The following GATA4 variants were observed in gnomAD, a reference collection of about 807,000 sequenced individuals.
GATA4 encodes the protein transcription factor GATA-4.
GATA4 carries 7 observed loss-of-function variants against 37.9 expected under a neutral mutation model. The ratio of observed to expected loss-of-function variants is 0.18; its 90% CI spans 0.11 to 0.35. The LOEUF is 0.35. Ranked by LOEUF, GATA4 falls within the 10% of genes least tolerant of loss-of-function variation. GATA4 has a pLI of 1.00. For synonymous variants in GATA4, 372 were observed against 292.6 expected (o/e 1.27, Z -2.77); for missense variants, 647 against 653.0 (o/e 0.99, Z 0.10).
chr8:11,710,882 G>A (rs1800152200), intron 2 of GATA4, among the ~76,000 whole-genome samples: 1 of 152,132 alleles, frequency 6.6e-6, no homozygotes, highest in Non-Finnish European at 1.5e-5. Flanking sequence ...AGCACTTTGG[G>A]AGGCCGAGGC....
chr8:11,753,334 T>A (rs1442705385), intron 4 of GATA4, among the ~76,000 whole-genome samples: 1 of 151,976 alleles, frequency 6.6e-6, no homozygotes, highest in Non-Finnish European at 1.5e-5. Context: ...GGAGTGATGT[T>A]TAATGGGTAT....
At chr8:11,744,219 C>G (rs1801917248) in intron 2 of GATA4, among the ~76,000 whole-genome samples, 3 of 152,224 alleles carry the variant, frequency 2.0e-5, no homozygotes, top group Non-Finnish European at 4.4e-5. Flanking sequence ...TTGTCCTGGT[C>G]TTTCCCACTC....
chr8:11,715,867 C>T (rs923914555), intron 2 of GATA4, among the ~76,000 whole-genome samples: 1 of 152,174 alleles, frequency 6.6e-6, no homozygotes, highest in African/African-American at 2.4e-5. Context: ...AATACCACTC[C>T]CATTCCTCTC....
chr8:11,708,977 C>G lies in GATA4; in HGVS notation c.616+49C>G, dbSNP rs190834379. ...GGCGCGTGAGGGCCGGGGCAGGGGC[C>G]GTCTTGAGCCCTGTCGAGGGCCTCT... On this transcript the variant is annotated intron_variant, in intron 2 of 6. Transcript: ENST00000532059. The surrounding 1 kb of genome is among the most constrained non-coding windows in gnomAD (Gnocchi z 6.7). 1.2e-3 allele frequency: 1,834 copies of G among 1,496,664 alleles called. 13 individuals are homozygous for G. The African/African-American group carries it at 0.019, about 16-fold the overall frequency. The allele number at this position is 1,496,664 out of a possible 1,614,324, so 92.7% of individuals were successfully genotyped here.
Position 11,709,330 on chromosome 8 carries a change from C to A in GATA4, c.616+402C>A, listed in dbSNP as rs940636781. Among the ~76,000 whole-genome samples, 2 of 152,216 alleles carry A rather than the reference C, an allele frequency of 1.3e-5. No homozygotes were observed. Among genetic ancestry groups the A allele is most frequent in the South Asian group, 4.1e-4 (2 of 4,838 alleles). ...GATTGCTGAGTTTCTGCGCCCCTTT[C>A]CTCCCCGCCCGCCCTCGGGCCTCCG... On this transcript the variant is annotated intron_variant, in intron 2 of 6. Coordinates refer to ENST00000532059, the MANE Select transcript of GATA4 (RefSeq NM_001308093.3). The surrounding 1 kb of genome is among the most constrained non-coding windows in gnomAD (Gnocchi z 4.3).
intron 2 of GATA4, among the ~76,000 whole-genome samples, chr8:11,745,198 G>C (rs753442717): frequency 1.3e-4 from 20 of 152,156 alleles, no homozygotes; most frequent in Non-Finnish European, 2.6e-4. Context: ...TGTGTGTTGG[G>C]CTCTCAAGGC....
upstream of GATA4, among the ~76,000 whole-genome samples, chr8:11,688,054 A>T (rs1799196523): frequency 6.6e-6 from 1 of 152,186 alleles, no homozygotes; most frequent in Non-Finnish European, 1.5e-5. Context: ...CAACTGAGTA[A>T]ATGCTGACAC....
chr8:11,751,593 G>T (rs1205654015), intron 4 of GATA4, among the ~76,000 whole-genome samples: 1 of 152,140 alleles, frequency 6.6e-6, no homozygotes, highest in Admixed American at 6.5e-5. Flanking sequence ...GAAACAGATA[G>T]GTCTTGTAGC....
chr8:11,728,682 G>C (rs1391560626), intron 2 of GATA4, among the ~76,000 whole-genome samples: 1 of 152,146 alleles, frequency 6.6e-6, no homozygotes, highest in Non-Finnish European at 1.5e-5. Context: ...CAAAAATGGT[G>C]AGATTATGGG....
chr8:11,735,973 C>T (rs1284019713), intron 2 of GATA4, among the ~76,000 whole-genome samples: 1 of 152,078 alleles, frequency 6.6e-6, no homozygotes, highest in Non-Finnish European at 1.5e-5. Context: ...TGTGGTGGTG[C>T]GATCATAACT....
intron 1 of GATA4, among the ~76,000 whole-genome samples, chr8:11,685,252 G>T (rs774107059): frequency 6.6e-5 from 10 of 152,314 alleles, no homozygotes; most frequent in South Asian, 4.1e-4. Context: ...AAAGTAGATT[G>T]TGAAACACTT....
At chr8:11,689,061 C>G (rs910561744), upstream of GATA4, among the ~76,000 whole-genome samples, 1 of 152,198 alleles carries the variant, frequency 6.6e-6, no homozygotes, top group African/African-American at 2.4e-5. Flanking sequence ...AATAACAAAG[C>G]AGCGGCAAAT....
chr8:11,741,511 G>C lies in GATA4; in HGVS notation c.617-7405G>C, dbSNP rs549680863. ...AAACAAACAAAAAAAGTCCCTGTGA[G>C]AGCAATGCAACAGTCCACAAGTTCG... On this transcript the variant is annotated intron_variant, in intron 2 of 6. Coordinates refer to ENST00000532059, the MANE Select transcript of GATA4 (RefSeq NM_001308093.3). Among the ~76,000 whole-genome samples the C allele has an allele frequency of 3.3e-5, 5 of 151,994 alleles. No individual in the cohort carries two copies. The East Asian group carries it at 9.6e-4, about 29-fold the overall frequency.
chr8:11,753,477 G>A (rs28565241), intron 4 of GATA4, among the ~76,000 whole-genome samples: 8,008 of 143,510 alleles, frequency 0.056, 654 homozygotes, highest in African/African-American at 0.19. Flanking sequence ...AGTTAGGTGT[G>A]TTTCATTTTA....
Position 11,694,515 on chromosome 8 carries a change from T to C in GATA4, c.-729+1855T>C, listed in dbSNP as rs1005259549. ...CTCATCACTTCTTTCCCTTGCCACC[T>C]TTTGGTTCCTCTGCTGCTTAATTAG... On this transcript the variant is annotated intron_variant, in intron 1 of 2. Transcript: ENST00000526974. 10 of 985,076 alleles carry C rather than the reference T, an allele frequency of 1.0e-5. No individual in the cohort carries two copies. In the African/African-American group the frequency reaches 1.7e-4, roughly 17 times the overall value. The allele number at this position is 985,076 out of a possible 1,614,324, so 61.0% of individuals were successfully genotyped here.
chr8:11,683,074 GT>G, intron 1 of GATA4: 2 of 985,390 alleles, frequency 2.0e-6, no homozygotes, highest in Non-Finnish European at 2.4e-6. Flanking sequence ...TACCCCCTAG[GT>G]TTTCCCAGCC....
rs1037655842 is a variant in GATA4, at chr8:11,708,558, C to A, written c.246C>A (p.Thr82=). Residue 82 remains threonine (T), a synonymous_variant, in exon 2 of 7, where the codon ACC becomes ACA. Transcript: ENST00000532059. The surrounding 1 kb of genome is among the most constrained non-coding windows in gnomAD (Gnocchi z 6.7). ...GGAASGAGPG[T]QQGSPGWSQA... Reference sequence around the variant, plus strand: ...CCGCGTCTGGTGCGGGGCCCGGGACCCAGCAGGGCAGCCCGGGATGGAGCC... The same window carrying A: ...CCGCGTCTGGTGCGGGGCCCGGGACACAGCAGGGCAGCCCGGGATGGAGCC... 1.7e-5 allele frequency: 24 copies of A among 1,391,826 alleles called. No individual in the cohort carries two copies. The African/African-American group carries it at 2.4e-4, about 14-fold the overall frequency. The allele number at this position is 1,391,826 out of a possible 1,614,324, so 86.2% of individuals were successfully genotyped here. A position where few individuals can be genotyped will look rare whatever the true frequency, so the allele number is the denominator to read the frequency against.
At chr8:11,693,054 G>A (rs1799373629) in intron 1 of GATA4, 19 of 985,298 alleles carry the variant, frequency 1.9e-5, no homozygotes, top group Admixed American at 6.1e-5. Flanking sequence ...GCGTGGAGTG[G>A]GCCGGCAGCG....
chr8:11,747,635 T>C (rs191396631), intron 2 of GATA4, among the ~76,000 whole-genome samples: 1 of 152,322 alleles, frequency 6.6e-6, no homozygotes, highest in African/African-American at 2.4e-5. Flanking sequence ...AAAAGAAATT[T>C]AGTGCCTTTG....
Sources: gnomAD v4.1 joint callset for allele counts (sites outside exome capture counted in the v4.1 genomes callset) on GRCh38, gnomAD v4.1.1 for gene constraint, Gnocchi (gnomAD v3.1) non-coding constraint, MANE v1.5 for transcripts, NCBI Gene and HGNC (gene_info 2026-07-23, HGNC 2026-07-21) for gene names.